The following ARHGAP26 variants were observed in gnomAD, a reference collection of about 807,000 sequenced individuals.
ARHGAP26 encodes the protein Rho GTPase activating protein 26.
Under a neutral mutation model 104.8 loss-of-function variants are expected in ARHGAP26, and 38 were observed. The observed-to-expected ratio is 0.36, with a 90% CI of 0.28 to 0.48. ARHGAP26 has a LOEUF of 0.48. ARHGAP26 is among the 20% of genes least tolerant of loss of function. The probability of loss-of-function intolerance (pLI) is 0.99; values close to 1 mark genes in which losing one functional copy is unlikely to be tolerated. For missense variants in ARHGAP26, 704 were observed against 947.9 expected, an observed-to-expected ratio of 0.74 and a Z score of 3.38; for synonymous variants, 341 against 340.0, an observed-to-expected ratio of 1.00 and a Z score of -0.03.
intron 20 of ARHGAP26, among the ~76,000 whole-genome samples, chr5:143,161,038 C>T (rs1217677386): frequency 8.1e-6 from 1 of 123,954 alleles, no homozygotes; most frequent in East Asian, 2.6e-4. Flanking sequence ...GAGATGGAGT[C>T]TCTTACCTTG....
intron 1 of ARHGAP26, chr5:142,771,201 C>T (rs1191551382): frequency 1.6e-6 from 2 of 1,281,792 alleles, no homozygotes; most frequent in Non-Finnish European, 2.0e-6. Flanking sequence ...GCGTGCGCGG[C>T]ACGCAGGTGT....
chr5:142,889,504 G>C (rs1598097704), intron 5 of ARHGAP26, among the ~76,000 whole-genome samples: 2 of 152,140 alleles, frequency 1.3e-5, no homozygotes, highest in East Asian at 3.9e-4. Flanking sequence ...TGTAATCCCA[G>C]CTACTTGGGA....
intron 1 of ARHGAP26, among the ~76,000 whole-genome samples, chr5:142,814,733 G>A (rs1031473137): frequency 6.6e-6 from 1 of 152,196 alleles, no homozygotes; most frequent in Non-Finnish European, 1.5e-5. Context: ...CTCATCACCT[G>A]TGTGACCTTG....
chr5:143,137,263 A>C (rs1235151836), intron 19 of ARHGAP26, among the ~76,000 whole-genome samples: 1 of 152,222 alleles, frequency 6.6e-6, no homozygotes, highest in Non-Finnish European at 1.5e-5. Context: ...GGAATCCACA[A>C]ACTGGCTTTT....
chr5:143,032,087 T>C (rs1260900819), intron 12 of ARHGAP26, among the ~76,000 whole-genome samples: 2 of 152,198 alleles, frequency 1.3e-5, no homozygotes, highest in Admixed American at 1.3e-4. Context: ...TCGACTTTGC[T>C]ACCCTAGCAT....
intron 19 of ARHGAP26, among the ~76,000 whole-genome samples, chr5:143,141,050 C>T (rs1193407003): frequency 6.6e-6 from 1 of 152,266 alleles, no homozygotes; most frequent in Non-Finnish European, 1.5e-5. Flanking sequence ...GTGCCCTGGG[C>T]ACACCTGTTT....
At chr5:143,110,374 G>A (rs1198504499) in intron 17 of ARHGAP26, among the ~76,000 whole-genome samples, 1 of 152,220 alleles carries the variant, frequency 6.6e-6, no homozygotes, top group Non-Finnish European at 1.5e-5. Flanking sequence ...AAAAATAGAT[G>A]TTGCAGTTTT....
chr5:142,780,519 T>G (rs996869688), intron 1 of ARHGAP26, among the ~76,000 whole-genome samples: 2 of 152,252 alleles, frequency 1.3e-5, no homozygotes, highest in Non-Finnish European at 2.9e-5. Flanking sequence ...GAATGGTCTC[T>G]GTAAATAAAA....
chr5:143,143,199 C>A (rs1035297591), intron 19 of ARHGAP26, among the ~76,000 whole-genome samples: 11 of 152,274 alleles, frequency 7.2e-5, no homozygotes, highest in African/African-American at 2.2e-4. Context: ...ATTTACCCTC[C>A]AGCTCTGTGT....
At position 143,025,197 on chromosome 5, in the gene ARHGAP26, C is replaced by T. The variant is rs140962124; in HGVS notation, c.1144+11081C>T. Among the ~76,000 whole-genome samples, 552 of 152,270 alleles carry T rather than the reference C, an allele frequency of 3.6e-3. 6 individuals carry two copies. Among genetic ancestry groups the T allele is most frequent in the African/African-American group, 0.013 (531 of 41,546 alleles). ...GCATTGCCTTATTTGATTTTCACAA[C>T]ACCTGCATCTTATATGTGAGGGGAA... On this transcript the variant is annotated intron_variant, in intron 12 of 22. Transcript: ENST00000645722.
intron 22 of ARHGAP26, chr5:143,216,037 A>G: frequency 2.6e-6 from 1 of 381,568 alleles, no homozygotes; most frequent in Non-Finnish European, 5.3e-6. Context: ...GAACTGTTTC[A>G]CAAAGAAGTT....
intron 20 of ARHGAP26, among the ~76,000 whole-genome samples, chr5:143,163,220 G>T (rs370961078): frequency 1.3e-5 from 2 of 152,176 alleles, no homozygotes; most frequent in Non-Finnish European, 2.9e-5. Context: ...GTATGTGGGG[G>T]AGCATTGCTG....
chr5:142,773,926 T>G (rs1416100723), intron 1 of ARHGAP26, among the ~76,000 whole-genome samples: 1 of 152,248 alleles, frequency 6.6e-6, no homozygotes, highest in African/African-American at 2.4e-5. Flanking sequence ...GTTACATGCT[T>G]TAAAGCCTGT....
At chr5:142,982,918 A>G (rs536214117) in intron 11 of ARHGAP26, among the ~76,000 whole-genome samples, 85 of 152,314 alleles carry the variant, frequency 5.6e-4, no homozygotes, top group Non-Finnish European at 1.1e-3. Flanking sequence ...TGATGTGACC[A>G]GGAAGCAGCT....
intron 11 of ARHGAP26, among the ~76,000 whole-genome samples, chr5:142,949,202 A>AGGAGGGAG (rs1445451552): frequency 4.7e-5 from 1 of 21,502 alleles, no homozygotes; most frequent in African/African-American, 3.7e-4. Context: ...AGAGAGAGAG[A>AGGAGGGAG]GAGAGAGAGA....
rs73799013 is a variant in ARHGAP26, at chr5:142,871,965, A to T, written c.155-1435A>T. ...AGCTATCTCGGGACCGTGTCATCAC[A>T]GCGTGTGGGAGGGCAGTCCAGGAGC... On this transcript the variant is annotated intron_variant, in intron 1 of 22. Transcript: ENST00000645722. The surrounding 1 kb of genome is among the most constrained non-coding windows in gnomAD (Gnocchi z 4.1). 2.6e-4 allele frequency among the ~76,000 whole-genome samples: 39 copies of T among 152,300 alleles called. No homozygotes were observed. Among genetic ancestry groups the T allele is most frequent in the African/African-American group, 8.9e-4 (37 of 41,560 alleles).
chr5:143,213,923 G>T, intron 21 of ARHGAP26, 74 bp from the exon 22 acceptor site: 2 of 1,006,430 alleles, frequency 2.0e-6, no homozygotes, highest in Non-Finnish European at 3.0e-6. Flanking sequence ...GGAAAGGGAA[G>T]AAGAGAGATG....
At chr5:143,009,077 C>A (rs140612062) in intron 11 of ARHGAP26, among the ~76,000 whole-genome samples, 13 of 152,072 alleles carry the variant, frequency 8.5e-5, no homozygotes, top group East Asian at 3.8e-4. Flanking sequence ...TACTCTCCCC[C>A]CCTGGTGTTT....
At chr5:143,125,234 C>T (rs555310903) in intron 18 of ARHGAP26, among the ~76,000 whole-genome samples, 1 of 152,278 alleles carries the variant, frequency 6.6e-6, no homozygotes, top group East Asian at 1.9e-4. Flanking sequence ...CTCTCTTTGC[C>T]TACCTGTCTT....
Sources: allele counts gnomAD v4.1 joint callset (sites outside exome capture counted in the v4.1 genomes callset), GRCh38; gene constraint gnomAD v4.1.1; non-coding constraint Gnocchi (gnomAD v3.1); transcripts MANE v1.5; gene names NCBI Gene and HGNC (gene_info 2026-07-23, HGNC 2026-07-21).